Variants in CALN1 observed in about 807,000 individuals in gnomAD.
The protein encoded by CALN1 is calcium-binding protein 8.
CALN1 carries 17 observed loss-of-function variants against 30.6 expected under a neutral mutation model. The ratio of observed to expected loss-of-function variants is 0.56; its 90% CI spans 0.38 to 0.83. The LOEUF (loss-of-function observed/expected upper bound fraction) is 0.83. Among genes scored for constraint, CALN1 ranks in the 40% least tolerant of loss-of-function variants. The pLI is 0.00. For synonymous variants in CALN1, 156 were observed against 131.4 expected, an observed-to-expected ratio of 1.19 and a Z score of -1.28; for missense variants, 291 against 354.9, an observed-to-expected ratio of 0.82 and a Z score of 1.45.
chr7:72,450,607 T>C (rs924100447), upstream of CALN1, among the ~76,000 whole-genome samples: 5 of 152,192 alleles, frequency 3.3e-5, no homozygotes, highest in Admixed American at 6.5e-5. Flanking sequence ...CAGCCAGGCA[T>C]GGTGGATCAC....
At chr7:72,176,767 C>G (rs1346216219) in intron 3 of CALN1, among the ~76,000 whole-genome samples, 1 of 152,146 alleles carries the variant, frequency 6.6e-6, no homozygotes, top group African/African-American at 2.4e-5. Context: ...TAGAGTCTCC[C>G]TTTCCCAGAC....
chr7:72,039,800 TC>T (rs1422514062), intron 4 of CALN1, among the ~76,000 whole-genome samples: 8 of 152,126 alleles, frequency 5.3e-5, no homozygotes, highest in Non-Finnish European at 1.0e-4. Flanking sequence ...TGAAGGTCTC[TC>T]CCTCCTCTGG....
chr7:72,255,878 G>A (rs940344832), intron 3 of CALN1, among the ~76,000 whole-genome samples: 14 of 151,908 alleles, frequency 9.2e-5, no homozygotes, highest in Admixed American at 9.2e-4. Flanking sequence ...TTACAGATGC[G>A]CACCAGCACG....
intron 2 of CALN1, among the ~76,000 whole-genome samples, chr7:72,336,058 TA>T (rs892139753): frequency 1.3e-5 from 2 of 152,078 alleles, no homozygotes; most frequent in African/African-American, 4.8e-5. Context: ...GCTCAGAGAC[TA>T]GGTCCCAGCC....
intron 5 of CALN1, among the ~76,000 whole-genome samples, chr7:71,880,859 G>T (rs1475671586): frequency 1.3e-5 from 2 of 152,066 alleles, no homozygotes; most frequent in Non-Finnish European, 2.9e-5. Flanking sequence ...CCATCTAGTT[G>T]TGATGGTGAA....
At chr7:71,926,342 AC>A (rs1795270930) in intron 5 of CALN1, among the ~76,000 whole-genome samples, 1 of 152,144 alleles carries the variant, frequency 6.6e-6, no homozygotes, top group Non-Finnish European at 1.5e-5. Flanking sequence ...CCAGAAAGTT[AC>A]CTATTGCTTG....
At chr7:72,099,273 CTTTT>C (rs386359911) in intron 4 of CALN1, among the ~76,000 whole-genome samples, 3,723 of 125,282 alleles carry the variant, frequency 0.03, 156 homozygotes, top group African/African-American at 0.1. Flanking sequence ...CCAAACACTC[CTTTT>C]TTTTTTTTTT....
intron 6 of CALN1, among the ~76,000 whole-genome samples, chr7:71,809,829 T>C (rs1281135051): frequency 1.3e-5 from 2 of 152,072 alleles, no homozygotes; most frequent in African/African-American, 2.4e-5. Flanking sequence ...CCCTTTTTTT[T>C]TTCTTTTTTT....
At chr7:72,344,566 ATT>A (rs1802528787) in intron 2 of CALN1, among the ~76,000 whole-genome samples, 1 of 147,198 alleles carries the variant, frequency 6.8e-6, no homozygotes, top group Non-Finnish European at 1.5e-5. Context: ...ATATATATAT[ATT>A]TATTTATATA....
intron 2 of CALN1, among the ~76,000 whole-genome samples, chr7:72,359,945 C>A (rs1694999317): frequency 8.0e-6 from 1 of 125,186 alleles, no homozygotes; most frequent in Non-Finnish European, 1.5e-5. Flanking sequence ...CCACTGCACT[C>A]CAGCTTGGGT....
At position 72,154,228 on chromosome 7, in the gene CALN1, TAA is replaced by T. The variant is rs11386575; in HGVS notation, c.245-47936_245-47935del. Among the ~76,000 whole-genome samples the T allele has an allele frequency of 2.0e-3, 295 of 145,338 alleles. 2 individuals are homozygous for T. The highest frequency in any genetic ancestry group is 7.0e-3 in the Middle Eastern group (2 of 284). On this transcript the variant is annotated intron_variant, in intron 3 of 6. Coordinates refer to ENST00000395275, the MANE Select transcript of CALN1 (RefSeq NM_031468.4). ...TTTTAACTAAGGAGGGAAGTAAAAT[TAA>T]AAAAAAAAAAATAGGGGCATACTAC...
intron 1 of CALN1, among the ~76,000 whole-genome samples, chr7:72,411,338 A>C (rs1807130587): frequency 6.6e-6 from 1 of 152,230 alleles, no homozygotes; most frequent in Non-Finnish European, 1.5e-5. Flanking sequence ...TCTCAGGACA[A>C]AAAGAACCAC....
At chr7:71,950,143 C>G (rs531548726) in intron 5 of CALN1, among the ~76,000 whole-genome samples, 1 of 152,194 alleles carries the variant, frequency 6.6e-6, no homozygotes, top group East Asian at 1.9e-4. Flanking sequence ...ATTCTTTGTT[C>G]GAGATGCCAA....
the CALN1 span, among the ~76,000 whole-genome samples, chr7:72,484,260 A>G: frequency 1.6e-5 from 2 of 127,556 alleles, no homozygotes; most frequent in East Asian, 2.2e-4. Context: ...AATTTTTATA[A>G]GTATTCTTGA....
intron 2 of CALN1, among the ~76,000 whole-genome samples, chr7:72,299,836 T>C (rs1799132353): frequency 6.6e-6 from 1 of 152,010 alleles, no homozygotes; most frequent in African/African-American, 2.4e-5. Context: ...TGCCTGACCA[T>C]GTTATCTGCT....
chr7:72,363,724 CTTTT>C (rs66989275), intron 2 of CALN1, among the ~76,000 whole-genome samples: 23 of 111,856 alleles, frequency 2.1e-4, no homozygotes, highest in African/African-American at 3.1e-4. Context: ...TTAAAAAAAA[CTTTT>C]TTTTTTTTTT....
At position 72,271,564 on chromosome 7, in the gene CALN1, T is replaced by TAAAAAAAAAAAA. The variant is rs1305576740; in HGVS notation, c.244+7110_244+7121dup. On this transcript the variant is annotated intron_variant, in intron 3 of 6. Transcript: ENST00000395275. ...AGCATGAACCACTGTGCCTGCCTTT[T>TAAAAAAAAAAAA]AAAAAAAAAAAATATATATATATAT... Among the ~76,000 whole-genome samples the TAAAAAAAAAAAA allele has an allele frequency of 2.2e-4, 14 of 64,578 alleles. 1 individual carries two copies. Among genetic ancestry groups the TAAAAAAAAAAAA allele is most frequent in the East Asian group, 1.3e-3 (2 of 1,566 alleles). The allele number at this position is 64,578 out of a possible 152,430, so 42.4% of individuals were successfully genotyped here. A position where few individuals can be genotyped will look rare whatever the true frequency, so the allele number is the denominator to read the frequency against.
At chr7:71,874,178 GA>G (rs1415205817) in intron 5 of CALN1, among the ~76,000 whole-genome samples, 1 of 149,362 alleles carries the variant, frequency 6.7e-6, no homozygotes, top group African/African-American at 2.5e-5. Flanking sequence ...GGAAGGCTGA[GA>G]TATGAGAATC....
intron 2 of CALN1, among the ~76,000 whole-genome samples, chr7:72,288,196 C>T (rs1232298933): frequency 2.0e-5 from 3 of 152,074 alleles, no homozygotes; most frequent in Admixed American, 1.3e-4. Flanking sequence ...AGATGGTGCA[C>T]TCACATAGCT....
Sources: allele counts gnomAD v4.1 joint callset (sites outside exome capture counted in the v4.1 genomes callset), GRCh38; gene constraint gnomAD v4.1.1; transcripts MANE v1.5; gene names NCBI Gene and HGNC (gene_info 2026-07-23, HGNC 2026-07-21).